KDM3B: variants seen among roughly 807,000 people sequenced by gnomAD.
KDM3B encodes the protein lysine-specific demethylase 3B.
KDM3B carries 10 observed loss-of-function variants against 170.0 expected under a neutral mutation model. The observed-to-expected ratio is 0.06, with a 90% CI of 0.04 to 0.10. KDM3B has a LOEUF of 0.10. Ranked by LOEUF, KDM3B falls within the 10% of genes least tolerant of loss-of-function variation. The probability of loss-of-function intolerance (pLI) is 1.00; values close to 1 mark genes in which losing one functional copy is unlikely to be tolerated. For synonymous variants in KDM3B, 831 were observed against 834.8 expected (o/e 1.00, Z 0.08); for missense variants, 1,394 against 2,195.2 (o/e 0.64, Z 7.29).
At chr5:138,430,000 A>G (rs759498835) in intron 21 of KDM3B, 35 bp downstream of exon 21, 8 of 1,608,306 alleles carry the variant, frequency 5.0e-6, no homozygotes, top group South Asian at 4.4e-5. Flanking sequence ...CCCAGCTCAC[A>G]TATCAAGAGT....
chr5:138,382,492 A>G (rs931487299), intron 6 of KDM3B, among the ~76,000 whole-genome samples: 1 of 152,108 alleles, frequency 6.6e-6, no homozygotes, highest in Middle Eastern at 3.4e-3. Flanking sequence ...GCCTGAACCA[A>G]TCGAGTAATT....
intron 10 of KDM3B, among the ~76,000 whole-genome samples, chr5:138,398,697 C>T (rs1762605150): frequency 6.6e-6 from 1 of 151,996 alleles, no homozygotes. Flanking sequence ...TGAATATTTT[C>T]AGTTTGCTTT....
chr5:138,409,641 C>T (rs998045123), intron 11 of KDM3B, among the ~76,000 whole-genome samples: 2 of 151,992 alleles, frequency 1.3e-5, no homozygotes, highest in African/African-American at 2.4e-5. Context: ...ATATGGGCTG[C>T]GTGTGGTGGC....
intron 2 of KDM3B, among the ~76,000 whole-genome samples, chr5:138,373,509 C>CA (rs1349337153): frequency 1.3e-5 from 2 of 152,000 alleles, no homozygotes; most frequent in Admixed American, 1.3e-4. Flanking sequence ...CTCTGTCACT[C>CA]AGGCTGGAAT....
intron 19 of KDM3B, among the ~76,000 whole-genome samples, 177 bp downstream of exon 19, chr5:138,427,496 C>T (rs1189908867): frequency 6.6e-6 from 1 of 152,184 alleles, no homozygotes; most frequent in African/African-American, 2.4e-5. Flanking sequence ...GTTTTCATAA[C>T]ATCCATGTGG....
At chr5:138,402,431 A>G (rs1334036847) in intron 11 of KDM3B, among the ~76,000 whole-genome samples, 31 of 152,128 alleles carry the variant, frequency 2.0e-4, no homozygotes, top group South Asian at 2.1e-4. Flanking sequence ...TGTACCAACT[A>G]TTGTATCTTG....
rs563726553 is a variant in KDM3B, at chr5:138,395,881, G to A, written c.2832-2297G>A. ...GATCCGCTTGCCTCAGCCTCCCAAA[G>A]TGCAGGGCTTATGGGTGTGAGCCAC... On this transcript the variant is annotated intron_variant, in intron 9 of 23. Coordinates refer to ENST00000314358, the MANE Select transcript of KDM3B (RefSeq NM_016604.4). Among the ~76,000 whole-genome samples the A allele has an allele frequency of 6.6e-5, 10 of 152,122 alleles. No individual in the cohort carries two copies. In the East Asian group the frequency reaches 1.9e-3, roughly 30 times the overall value.
chr5:138,401,203 G>A (rs986391838), intron 11 of KDM3B, among the ~76,000 whole-genome samples: 2 of 151,474 alleles, frequency 1.3e-5, no homozygotes, highest in Non-Finnish European at 1.5e-5. Flanking sequence ...CCCGGGAGAC[G>A]GAGGTTGCAG....
rs187275789 is a variant in KDM3B, at chr5:138,391,972, G to A, written c.2340G>A (p.Pro780=). ...GRHSGGFLSS[P]ADFSQENKAP... ...ACTCAGGCGGCTTTCTGTCCTCCCC[G>A]GCAGATTTTTCACAGGAGAACAAAG... The change falls in exon 8 of 24, where the codon CCG becomes CCA. Residue 780 remains proline (P), a synonymous_variant. Coordinates refer to ENST00000314358, the MANE Select transcript of KDM3B (RefSeq NM_016604.4). The surrounding 1 kb of genome is among the most constrained non-coding windows in gnomAD (Gnocchi z 5.0). 294 of 1,613,060 alleles carry A rather than the reference G, an allele frequency of 1.8e-4. 2 individuals are homozygous for A. Among genetic ancestry groups the A allele is most frequent in the East Asian group, 6.7e-4 (30 of 44,816 alleles).
chr5:138,376,402 C>T (rs1761999440), intron 3 of KDM3B, among the ~76,000 whole-genome samples: 1 of 152,120 alleles, frequency 6.6e-6, no homozygotes, highest in Non-Finnish European at 1.5e-5. Flanking sequence ...AATTCTGAGT[C>T]CCTTCAGAAG....
rs1443873014 is a variant in KDM3B at position 138,399,936 on chromosome 5, C to A, written c.3123C>A (p.Ile1041=). ...TGTGTGAAACAACTCTCTTCAACAT[C>A]CACTGGGTTTGTCGCAAATGTGGAT... ...CDVCETTLFN[I]HWVCRKCGFG... is the part of the protein sequence containing the mutation. Residue 1041 remains isoleucine, a synonymous_variant, in exon 11 of 24, where the codon ATC becomes ATA. Coordinates refer to ENST00000314358, the MANE Select transcript of KDM3B (RefSeq NM_016604.4). 6.8e-6 allele frequency: 11 copies of A among 1,614,046 alleles called. No individual in the cohort carries two copies. The highest frequency in any genetic ancestry group is 1.7e-5 in the Admixed American group (1 of 59,988).
intron 9 of KDM3B, among the ~76,000 whole-genome samples, chr5:138,395,508 A>T (rs1445610129): frequency 1.3e-5 from 2 of 152,216 alleles, no homozygotes; most frequent in African/African-American, 2.4e-5. Context: ...CACGCTTGTA[A>T]TCCCAGGATC....
At position 138,427,334 on chromosome 5, in the gene KDM3B, C is replaced by A. The variant is rs775947560; in HGVS notation, c.4633+15C>A. 6.3e-7 allele frequency: 1 copy of A among 1,596,928 alleles called. No homozygotes were observed. The highest frequency in any genetic ancestry group is 1.3e-5 in the African/African-American group (1 of 74,512). On this transcript the variant is annotated intron_variant, in intron 19 of 23. Transcript: ENST00000314358. ...CAACGCCTATGGTATGAGGGAGAGG[C>A]TAAAATTGCTCTTTTGGGGGACTGT...
At chr5:138,389,782 CTGTGTGTG>C (rs148405512) in intron 7 of KDM3B, among the ~76,000 whole-genome samples, 10 of 143,466 alleles carry the variant, frequency 7.0e-5, no homozygotes, top group South Asian at 2.4e-4. Flanking sequence ...CTCTCTCTCT[CTGTGTGTG>C]TGTGTGTGTG....
intron 13 of KDM3B, among the ~76,000 whole-genome samples, chr5:138,418,349 A>C (rs1763161919): frequency 6.6e-6 from 1 of 151,914 alleles, no homozygotes; most frequent in African/African-American, 2.4e-5. Flanking sequence ...CAAGATTCTG[A>C]GATTAGAGGC....
At chr5:138,430,747 A>G (rs143433226) in intron 22 of KDM3B, among the ~76,000 whole-genome samples, 6,296 of 152,214 alleles carry the variant, frequency 0.041, 178 homozygotes, top group South Asian at 0.11. Context: ...AAAATTAGGC[A>G]GGCATGGTGG....
chr5:138,392,314 C>T, intron 8 of KDM3B, 53 bp downstream of exon 8: 1 of 1,434,324 alleles, frequency 7.0e-7, no homozygotes, highest in Non-Finnish European at 9.2e-7. Flanking sequence ...GGCTCAAATG[C>T]CTGTCGTGTT....
At chr5:138,359,465 C>CTTTTT (rs35535602) in intron 1 of KDM3B, among the ~76,000 whole-genome samples, 1 of 119,570 alleles carries the variant, frequency 8.4e-6, no homozygotes, top group Non-Finnish European at 1.7e-5. Flanking sequence ...CCCCCCCCAC[C>CTTTTT]TTTTTTTTTT....
At chr5:138,426,534 C>T (rs1472811682) in intron 17 of KDM3B, among the ~76,000 whole-genome samples, 7 of 147,062 alleles carry the variant, frequency 4.8e-5, no homozygotes, top group African/African-American at 1.5e-4. Context: ...AAGATTGGGC[C>T]ACTGCACTCC....
Sources: gnomAD v4.1 joint callset for allele counts (sites outside exome capture counted in the v4.1 genomes callset) on GRCh38, gnomAD v4.1.1 for gene constraint, Gnocchi (gnomAD v3.1) non-coding constraint, MANE v1.5 for transcripts, NCBI Gene and HGNC (gene_info 2026-07-23, HGNC 2026-07-21) for gene names.